LRRC71: variants seen among roughly 807,000 people sequenced by gnomAD.
LRRC71 encodes leucine-rich repeat-containing protein 71.
A neutral mutation model predicts 66.6 loss-of-function variants in LRRC71; 54 were observed. The ratio of observed to expected loss-of-function variants is 0.81; its 90% CI spans 0.65 to 1.02. LRRC71 has a LOEUF of 1.02. Among genes scored for constraint, LRRC71 ranks in the 50% least tolerant of loss-of-function variants. LRRC71 has a pLI of 0.00. For synonymous variants in LRRC71, 323 were observed against 303.9 expected (o/e 1.06, Z -0.65); for missense variants, 724 against 718.0 (o/e 1.01, Z -0.10).
chr1:156,935,899 C>T, downstream of LRRC71: 6 of 1,356,958 alleles, frequency 4.4e-6, no homozygotes, highest in Non-Finnish European at 6.0e-6. Context: ...ACTGCCTCCT[C>T]CACAGGGAGG....
chr1:156,940,248 G>A, the LRRC71 span: 1 of 1,607,572 alleles, frequency 6.2e-7, no homozygotes, highest in South Asian at 1.1e-5. Flanking sequence ...CATGAACAGA[G>A]GGCCTGGGAA....
the LRRC71 span, chr1:156,940,509 G>C: frequency 7.8e-7 from 1 of 1,285,336 alleles, no homozygotes; most frequent in South Asian, 1.6e-5. Context: ...TGGAGCCAAG[G>C]GGCTGGGAAC....
chr1:156,924,550 G>C lies in LRRC71; in HGVS notation c.437G>C (p.Arg146Pro). ...DSKSVKEIYI[R>P]GWKVEERILG... ...AAGTCAGTGAAGGAAATCTACATCCGCGGTGAGCCCCGCTCCCCCCACCCG... is the reference window on the plus strand; with the variant it reads ...AAGTCAGTGAAGGAAATCTACATCCCCGGTGAGCCCCGCTCCCCCCACCCG... Residue 146 changes from arginine to proline, a missense_variant and splice_region_variant, in exon 3 of 15, where the codon CGC becomes CCC. Transcript: ENST00000337428. The C allele has an allele frequency of 6.4e-7, 1 of 1,551,460 alleles. No homozygotes were observed. Among genetic ancestry groups the C allele is most frequent in the Middle Eastern group, 1.7e-4 (1 of 5,982 alleles).
At chr1:156,929,760 C>G (rs767333311) in intron 11 of LRRC71, 31 bp downstream of exon 11, 1 of 1,534,388 alleles carries the variant, frequency 6.5e-7, no homozygotes, top group Non-Finnish European at 8.8e-7. Context: ...GTGGCATCTT[C>G]CTGTGTGGAG....
intron 2 of LRRC71, 24 bp downstream of exon 2, chr1:156,924,122 G>C: frequency 6.5e-7 from 1 of 1,548,390 alleles, no homozygotes; most frequent in African/African-American, 1.4e-5. Context: ...GAGCTCCCCG[G>C]TGCCTGCCAG....
At position 156,933,023 on chromosome 1, in the gene LRRC71, C is replaced by A; in HGVS notation, c.*54C>A. The A allele has an allele frequency of 1.5e-6, 2 of 1,368,270 alleles. No individual in the cohort carries two copies. The highest frequency in any genetic ancestry group is 2.0e-6 in the Non-Finnish European group (2 of 985,434). The allele number at this position is 1,368,270 out of a possible 1,614,324, so 84.8% of individuals were successfully genotyped here. ...TCGGGGCTACAGAAGCACCTCCTGTCCCTGTGTGGGGTGACCTCCCTGGGG... is the reference window on the plus strand; with the variant it reads ...TCGGGGCTACAGAAGCACCTCCTGTACCTGTGTGGGGTGACCTCCCTGGGG... On this transcript the variant is annotated 3_prime_UTR_variant, in exon 15 of 15. Transcript: ENST00000337428.
At chr1:156,934,315 C>T (rs116351994), downstream of LRRC71, among the ~76,000 whole-genome samples, 3,421 of 152,238 alleles carry the variant, frequency 0.022, 128 homozygotes, top group African/African-American at 0.078. Flanking sequence ...TAATCCAACA[C>T]TGAATGCCAG....
chr1:156,936,920 G>T, downstream of LRRC71: 1 of 1,614,170 alleles, frequency 6.2e-7, no homozygotes, highest in Non-Finnish European at 8.5e-7. Context: ...AGCTGCTTCT[G>T]TGTGGAAACT....
chr1:156,930,064 CTT>C (rs1553189708), intron 11 of LRRC71, among the ~76,000 whole-genome samples: 2 of 95,558 alleles, frequency 2.1e-5, no homozygotes, highest in East Asian at 7.9e-4. Flanking sequence ...CTTTCTTTTT[CTT>C]TCTTTCTTTC....
intron 4 of LRRC71, 88 bp from the exon 5 acceptor site, chr1:156,924,850 G>A: frequency 6.6e-7 from 1 of 1,505,694 alleles, no homozygotes; most frequent in Non-Finnish European, 9.0e-7. Flanking sequence ...GATGAGGAAG[G>A]GCACCGCTGG....
rs148783287 is a variant in LRRC71, at chr1:156,923,039, C to T, written c.161-910C>T. 5.3e-4 allele frequency among the ~76,000 whole-genome samples: 80 copies of T among 152,334 alleles called. 1 individual carries two copies. The highest frequency in any genetic ancestry group is 1.7e-3 in the Admixed American group (26 of 15,304). ...GCCTGGGTTACCACTGATGGCCAGA[C>T]ACAGGAGGAAAATGCCTCTCATGCC... On this transcript the variant is annotated intron_variant, in intron 1 of 14. Coordinates refer to ENST00000337428, the MANE Select transcript of LRRC71 (RefSeq NM_144702.3).
chr1:156,924,451 G>A lies in LRRC71; in HGVS notation c.338G>A (p.Ser113Asn). ...LDDPRLSGSC[S>N]LNSLESKYVF... ...GATCCGCGGCTGTCGGGGTCCTGCA[G>A]CCTCAATAGCCTGGAGAGCAAATAC... The change falls in exon 3 of 15, where the codon AGC (serine) becomes AAC (asparagine). Residue 113 changes from serine (S) to asparagine (N), a missense_variant. Physicochemically the swap from Ser to Asn is conservative, Grantham distance 46. Coordinates refer to ENST00000337428, the MANE Select transcript of LRRC71 (RefSeq NM_144702.3). 1 of 1,551,166 alleles carries A rather than the reference G, an allele frequency of 6.4e-7. No homozygotes were observed. The highest frequency in any genetic ancestry group is 8.7e-7 in the Non-Finnish European group (1 of 1,146,998).
rs71080802 is a variant in LRRC71, at chr1:156,928,363, CTCTTCTTCTTCT to C, written c.996+392_996+403del. ...TTCTTCTTTCTTTCTCTTCTTCTTC[CTCTTCTTCTTCT>C]TCTTCTTCTTCTTCTTCTTCTTCTT... On this transcript the variant is annotated intron_variant, in intron 9 of 14. Transcript: ENST00000337428. Among the ~76,000 whole-genome samples the C allele has an allele frequency of 4.3e-3, 425 of 98,816 alleles. 8 individuals are homozygous for C. The highest frequency in any genetic ancestry group is 0.019 in the East Asian group (55 of 2,864). The allele number at this position is 98,816 out of a possible 152,430, so 64.8% of individuals were successfully genotyped here. A position where few individuals can be genotyped will look rare whatever the true frequency, so the allele number is the denominator to read the frequency against.
At chr1:156,929,247 TCTTCCCCC>T in intron 9 of LRRC71, 25 bp from the exon 10 acceptor site, 2 of 1,575,826 alleles carry the variant, frequency 1.3e-6, no homozygotes, top group Non-Finnish European at 1.7e-6. Context: ...GGCTCTGGCT[TCTTCCCCC>T]CTTCCCTCCC....
chr1:156,932,156 G>A, intron 13 of LRRC71, 129 bp downstream of exon 13: 1 of 796,840 alleles, frequency 1.3e-6, no homozygotes, highest in Non-Finnish European at 2.1e-6. Flanking sequence ...GTCCCCCAAG[G>A]CTCTCTGGCA....
chr1:156,937,229 C>T (rs1053900187), downstream of LRRC71: 16 of 1,612,116 alleles, frequency 9.9e-6, no homozygotes, highest in Non-Finnish European at 1.4e-5. Flanking sequence ...CTGCAGGGAC[C>T]CAAGCCCTGC....
At chr1:156,921,999 G>A (rs1286325926) in intron 1 of LRRC71, among the ~76,000 whole-genome samples, 2 of 152,136 alleles carry the variant, frequency 1.3e-5, no homozygotes, top group Non-Finnish European at 2.9e-5. Context: ...TGAGGCTTCT[G>A]GACTGGGCAC....
At chr1:156,933,159 C>A (rs1264690703), downstream of LRRC71, 2 of 530,734 alleles carry the variant, frequency 3.8e-6, no homozygotes, top group Non-Finnish European at 6.6e-6. Context: ...GTCCATGTTA[C>A]ATGCCAGGAA....
In LRRC71 at chr1:156,930,081, C is replaced by CT. The variant is rs1277428537; in HGVS notation, c.1240+355dup. Among the ~76,000 whole-genome samples the CT allele has an allele frequency of 7.7e-3, 694 of 89,578 alleles. 9 individuals are homozygous for CT. The highest frequency in any genetic ancestry group is 0.053 in the East Asian group (109 of 2,048). The allele number at this position is 89,578 out of a possible 152,430, so 58.8% of individuals were successfully genotyped here. A position where few individuals can be genotyped will look rare whatever the true frequency, so the allele number is the denominator to read the frequency against. On this transcript the variant is annotated intron_variant, in intron 11 of 14. Transcript: ENST00000337428. Reference sequence around the variant, plus strand: ...TTCTTTTTCTTTCTTTCTTTCTTTTCTTTCTTTCTTTCTCTCTCTTTTTTT... The same window carrying CT: ...TTCTTTTTCTTTCTTTCTTTCTTTTCTTTTCTTTCTTTCTCTCTCTTTTTTT...
Sources: gnomAD v4.1 joint callset for allele counts (sites outside exome capture counted in the v4.1 genomes callset) on GRCh38, gnomAD v4.1.1 for gene constraint, MANE v1.5 for transcripts, NCBI Gene and HGNC (gene_info 2026-07-23, HGNC 2026-07-21) for gene names.